The following GRIK2 variants were observed in gnomAD, a reference collection of about 807,000 sequenced individuals.
The protein encoded by GRIK2 is glutamate receptor ionotropic, kainate 2.
A neutral mutation model predicts 100.3 loss-of-function variants in GRIK2; 32 were observed. That is an observed-to-expected ratio of 0.32 (90% CI 0.24 to 0.43). The LOEUF (loss-of-function observed/expected upper bound fraction) is 0.43. GRIK2 is among the 20% of genes least tolerant of loss of function. The pLI is 1.00. For synonymous variants in GRIK2, 417 were observed against 389.4 expected (o/e 1.07, Z -0.83); for missense variants, 843 against 1,114.9 (o/e 0.76, Z 3.47).
intron 12 of GRIK2, among the ~76,000 whole-genome samples, chr6:101,905,969 A>G (rs1039320772): frequency 6.6e-5 from 10 of 151,722 alleles, no homozygotes; most frequent in Non-Finnish European, 1.3e-4. Flanking sequence ...TAGAGCAACT[A>G]AAGAAAATAT....
intron 2 of GRIK2, among the ~76,000 whole-genome samples, chr6:101,422,669 G>T (rs1312230049): frequency 1.4e-5 from 2 of 147,246 alleles, no homozygotes; most frequent in African/African-American, 2.5e-5. Flanking sequence ...TGAGTAAAAA[G>T]ATTAAAAAAA....
chr6:101,802,430 C>A lies in GRIK2; in HGVS notation c.1195C>A (p.Leu399Ile). The A allele has an allele frequency of 6.8e-7, 1 of 1,479,044 alleles. No homozygotes were observed. The highest frequency in any genetic ancestry group is 9.3e-7 in the Non-Finnish European group (1 of 1,079,668). 91.6% of individuals were successfully genotyped at this position (1,479,044 alleles called of 1,614,324 possible). A position where few individuals can be genotyped will look rare whatever the true frequency, so the allele number is the denominator to read the frequency against. ...LDVISLKEEG[L>I]EKIGTWDPAS... ...TGTGATCAGTCTGAAGGAAGAAGGTCTAGAAAAGGTATTTCAGTGAGCTTA... is the reference window on the plus strand; with the variant it reads ...TGTGATCAGTCTGAAGGAAGAAGGTATAGAAAAGGTATTTCAGTGAGCTTA... Residue 399 changes from leucine to isoleucine, a missense_variant, in exon 9 of 17, where the codon CTA (leucine) becomes ATA (isoleucine). By Grantham distance (5) the Leu-to-Ile change is conservative. Coordinates refer to ENST00000369134, the MANE Select transcript of GRIK2 (RefSeq NM_021956.5).
At chr6:101,823,722 C>CA (rs34838171) in intron 10 of GRIK2, among the ~76,000 whole-genome samples, 1 of 152,042 alleles carries the variant, frequency 6.6e-6, no homozygotes, top group Non-Finnish European at 1.5e-5. Flanking sequence ...GCTAAACCTT[C>CA]AGTTTGTAAC....
intron 2 of GRIK2, among the ~76,000 whole-genome samples, chr6:101,581,019 C>T (rs781703821): frequency 7.9e-5 from 12 of 151,734 alleles, no homozygotes; most frequent in Non-Finnish European, 1.8e-4. Context: ...CTTATTTTTC[C>T]CCTGATAGAA....
rs145322469 is a variant in GRIK2, at chr6:101,867,418, T to C, written c.1524+7925T>C. Among the ~76,000 whole-genome samples, 789 of 152,018 alleles carry C rather than the reference T, an allele frequency of 5.2e-3. 4 individuals carry two copies. Among genetic ancestry groups the C allele is most frequent in the Non-Finnish European group, 8.0e-3 (543 of 67,932 alleles). Reference sequence around the variant, plus strand: ...TTTTTCTCAACGTGAATTTAAACAGTGAGCTGTTGAAGATATAAACAAACT... The same window carrying C: ...TTTTTCTCAACGTGAATTTAAACAGCGAGCTGTTGAAGATATAAACAAACT... On this transcript the variant is annotated intron_variant, in intron 11 of 16. Coordinates refer to ENST00000369134, the MANE Select transcript of GRIK2 (RefSeq NM_021956.5).
chr6:101,994,630 TG>T (rs1000300024), intron 14 of GRIK2, among the ~76,000 whole-genome samples: 7 of 152,000 alleles, frequency 4.6e-5, no homozygotes, highest in Middle Eastern at 3.4e-3. Flanking sequence ...TAAAGGGGTT[TG>T]TGCAGGATTT....
intron 4 of GRIK2, among the ~76,000 whole-genome samples, chr6:101,641,048 T>C (rs1308425944): frequency 3.3e-5 from 5 of 152,126 alleles, no homozygotes; most frequent in African/African-American, 1.2e-4. Flanking sequence ...CTAAATATTC[T>C]TGTCCTTAAG....
intron 2 of GRIK2, among the ~76,000 whole-genome samples, chr6:101,451,117 C>T (rs567975631): frequency 2.6e-5 from 4 of 151,788 alleles, no homozygotes; most frequent in African/African-American, 9.6e-5. Context: ...TTAGATTAAT[C>T]GTTGCACAGT....
chr6:101,460,065 G>T (rs570908623), intron 2 of GRIK2, among the ~76,000 whole-genome samples: 1 of 152,098 alleles, frequency 6.6e-6, no homozygotes, highest in Non-Finnish European at 1.5e-5. Context: ...CCGCACATCT[G>T]TTGCTCTTAT....
chr6:101,808,082 C>T (rs556080523), intron 9 of GRIK2, among the ~76,000 whole-genome samples: 3 of 152,080 alleles, frequency 2.0e-5, no homozygotes, highest in East Asian at 1.9e-4. Flanking sequence ...ATTGTTCCAT[C>T]ACCTGAAGCT....
intron 11 of GRIK2, among the ~76,000 whole-genome samples, chr6:101,883,054 T>C (rs1713456411): frequency 6.6e-6 from 1 of 151,928 alleles, no homozygotes; most frequent in Non-Finnish European, 1.5e-5. Flanking sequence ...GTATTAACCA[T>C]ATAATCCAGC....
intron 11 of GRIK2, among the ~76,000 whole-genome samples, chr6:101,862,463 C>T (rs1784785484): frequency 6.6e-6 from 1 of 152,102 alleles, no homozygotes; most frequent in South Asian, 2.1e-4. Flanking sequence ...CGGAATCTTT[C>T]TGTGACTTAG....
intron 7 of GRIK2, among the ~76,000 whole-genome samples, chr6:101,772,328 C>G (rs1444800006): frequency 2.0e-5 from 3 of 152,134 alleles, no homozygotes; most frequent in Admixed American, 6.5e-5. Flanking sequence ...ATGTTTATAC[C>G]TGGAGCTAGG....
intron 7 of GRIK2, among the ~76,000 whole-genome samples, chr6:101,753,590 GTCT>G (rs1294802079): frequency 1.3e-5 from 2 of 151,708 alleles, no homozygotes; most frequent in Non-Finnish European, 2.9e-5. Context: ...TTATTTCTAT[GTCT>G]TTACTTTTAA....
At chr6:101,621,613 C>G (rs1387526508) in intron 2 of GRIK2, among the ~76,000 whole-genome samples, 2 of 151,914 alleles carry the variant, frequency 1.3e-5, no homozygotes, top group Non-Finnish European at 2.9e-5. Flanking sequence ...GTACTTAAGT[C>G]AAGACCTCTC....
intron 10 of GRIK2, among the ~76,000 whole-genome samples, chr6:101,845,364 C>T (rs1783747729): frequency 6.6e-6 from 1 of 152,078 alleles, no homozygotes; most frequent in Non-Finnish European, 1.5e-5. Flanking sequence ...CTTTCTCTTT[C>T]TATGGTTTGC....
intron 3 of GRIK2, among the ~76,000 whole-genome samples, chr6:101,623,675 TAA>T (rs1227925264): frequency 2.0e-5 from 3 of 152,170 alleles, no homozygotes. Context: ...TATGAATTGA[TAA>T]AGTCATGTGG....
At chr6:101,711,660 T>C (rs946619429) in intron 7 of GRIK2, among the ~76,000 whole-genome samples, 2 of 151,842 alleles carry the variant, frequency 1.3e-5, no homozygotes, top group African/African-American at 4.8e-5. Flanking sequence ...AGAATTTAAA[T>C]GTCACAGAGT....
intron 2 of GRIK2, among the ~76,000 whole-genome samples, chr6:101,568,551 T>C (rs1475811027): frequency 6.6e-6 from 1 of 152,078 alleles, no homozygotes; most frequent in Non-Finnish European, 1.5e-5. Context: ...ACTTGTATCC[T>C]AAAGAAATCT....
Sources: allele counts gnomAD v4.1 joint callset (sites outside exome capture counted in the v4.1 genomes callset), GRCh38; gene constraint gnomAD v4.1.1; transcripts MANE v1.5; gene names NCBI Gene and HGNC (gene_info 2026-07-23, HGNC 2026-07-21).